MALRD1: variants seen among roughly 807,000 people sequenced by gnomAD.
The protein encoded by MALRD1 is MAM and LDL-receptor class A domain-containing protein 1.
Under a neutral mutation model 242.1 loss-of-function variants are expected in MALRD1, and 247 were observed. That is an observed-to-expected ratio of 1.02 (90% CI 0.92 to 1.13). The LOEUF is 1.13. MALRD1 is among the 50% of genes most tolerant of loss of function. MALRD1 has a pLI of 0.00. For missense variants in MALRD1, 2,989 were observed against 2,533.1 expected, an observed-to-expected ratio of 1.18 and a Z score of -3.86; for synonymous variants, 995 against 866.6, an observed-to-expected ratio of 1.15 and a Z score of -2.60.
intron 26 of MALRD1, among the ~76,000 whole-genome samples, chr10:19,383,247 T>C (rs1229703664): frequency 6.6e-6 from 1 of 152,096 alleles, no homozygotes; most frequent in Non-Finnish European, 1.5e-5. Flanking sequence ...TGTTCCTTTC[T>C]TAGTGTCCGT....
At chr10:19,298,001 C>A (rs952353234) in intron 21 of MALRD1, among the ~76,000 whole-genome samples, 2 of 151,830 alleles carry the variant, frequency 1.3e-5, no homozygotes, top group Non-Finnish European at 2.9e-5. Flanking sequence ...TTGTCTTCAT[C>A]CATTTTGTGT....
chr10:19,405,857 A>AT (rs5783674), intron 28 of MALRD1, among the ~76,000 whole-genome samples: 45 of 150,716 alleles, frequency 3.0e-4, no homozygotes, highest in African/African-American at 9.5e-4. Flanking sequence ...GTTAGGATGC[A>AT]TTTTTTTTTT....
chr10:19,612,724 G>A (rs567985555), intron 35 of MALRD1, among the ~76,000 whole-genome samples: 1 of 152,076 alleles, frequency 6.6e-6, no homozygotes, highest in African/African-American at 2.4e-5. Context: ...GACCAAGCAA[G>A]CACATATTCA....
intron 2 of MALRD1, among the ~76,000 whole-genome samples, chr10:19,078,558 T>G (rs1441118050): frequency 6.6e-6 from 1 of 151,928 alleles, no homozygotes; most frequent in Non-Finnish European, 1.5e-5. Flanking sequence ...TGGGAAGTGT[T>G]TCTTCCTCTT....
At chr10:19,158,659 T>C (rs924907057) in intron 12 of MALRD1, among the ~76,000 whole-genome samples, 2 of 152,250 alleles carry the variant, frequency 1.3e-5, no homozygotes, top group African/African-American at 4.8e-5. Context: ...TTATCTACTG[T>C]GTGTTGATCA....
chr10:19,061,140 G>A (rs1323718990), intron 1 of MALRD1, among the ~76,000 whole-genome samples: 1 of 152,134 alleles, frequency 6.6e-6, no homozygotes, highest in African/African-American at 2.4e-5. Flanking sequence ...TCATCAGGAG[G>A]GAGAGCATCA....
At chr10:19,416,897 CT>C (rs1429005381) in intron 28 of MALRD1, among the ~76,000 whole-genome samples, 1 of 152,170 alleles carries the variant, frequency 6.6e-6, no homozygotes, top group Non-Finnish European at 1.5e-5. Context: ...TGACCAATCC[CT>C]AAAACTCCGT....
At chr10:19,367,622 G>A (rs770323278) in intron 26 of MALRD1, among the ~76,000 whole-genome samples, 13 of 151,894 alleles carry the variant, frequency 8.6e-5, no homozygotes, top group Non-Finnish European at 4.4e-5. Flanking sequence ...TTCCTCCTTC[G>A]GATAAATGCC....
chr10:19,262,241 A>G (rs1045806624), intron 19 of MALRD1, among the ~76,000 whole-genome samples: 1 of 152,188 alleles, frequency 6.6e-6, no homozygotes, highest in Non-Finnish European at 1.5e-5. Flanking sequence ...TATATAGTCA[A>G]GGTGTACAAT....
At chr10:19,677,438 A>G (rs748751637) in intron 36 of MALRD1, among the ~76,000 whole-genome samples, 1 of 152,084 alleles carries the variant, frequency 6.6e-6, no homozygotes, top group Non-Finnish European at 1.5e-5. Flanking sequence ...TTAAAAGTAT[A>G]TGTTTGTTGG....
intron 36 of MALRD1, among the ~76,000 whole-genome samples, chr10:19,659,445 T>A (rs1034683578): frequency 6.6e-6 from 1 of 152,126 alleles, no homozygotes; most frequent in Non-Finnish European, 1.5e-5. Context: ...TTACTCCTCA[T>A]CAATCAACTA....
At chr10:19,571,497 T>C (rs1836536637) in intron 33 of MALRD1, among the ~76,000 whole-genome samples, 1 of 152,172 alleles carries the variant, frequency 6.6e-6, no homozygotes, top group African/African-American at 2.4e-5. Context: ...GGAAGCATTC[T>C]TTTTCACGTA....
At chr10:19,452,341 A>G (rs10458691) in intron 29 of MALRD1, among the ~76,000 whole-genome samples, 33,456 of 152,034 alleles carry the variant, frequency 0.22, 4,413 homozygotes, top group South Asian at 0.36. Flanking sequence ...TTACGTGATT[A>G]CAATTAATTT....
At chr10:19,141,156 T>C (rs1202944450) in intron 10 of MALRD1, among the ~76,000 whole-genome samples, 3 of 152,166 alleles carry the variant, frequency 2.0e-5, no homozygotes, top group South Asian at 4.1e-4. Context: ...AAATACAACA[T>C]GCCAAACATG....
intron 34 of MALRD1, 146 bp downstream of exon 34, chr10:19,595,603 A>G (rs959778354): frequency 3.9e-6 from 4 of 1,021,218 alleles, no homozygotes; most frequent in Non-Finnish European, 5.5e-6. Context: ...ATGTTGCAAA[A>G]CAAGGCATCT....
chr10:19,669,706 G>C (rs1841826012), intron 36 of MALRD1, among the ~76,000 whole-genome samples: 1 of 152,088 alleles, frequency 6.6e-6, no homozygotes, highest in Non-Finnish European at 1.5e-5. Context: ...AAAAATAAGT[G>C]ATCATTAATC....
intron 21 of MALRD1, among the ~76,000 whole-genome samples, chr10:19,311,435 T>C (rs1842418371): frequency 6.6e-6 from 1 of 151,442 alleles, no homozygotes; most frequent in African/African-American, 2.4e-5. Flanking sequence ...CCTTTTAAAT[T>C]AAATACAAAA....
intron 36 of MALRD1, among the ~76,000 whole-genome samples, chr10:19,670,066 G>GCACACACA (rs3071775): frequency 6.7e-6 from 1 of 148,254 alleles, no homozygotes; most frequent in African/African-American, 2.5e-5. Flanking sequence ...CCTCGCACGT[G>GCACACACA]CACACACACA....
intron 21 of MALRD1, among the ~76,000 whole-genome samples, chr10:19,293,567 A>G (rs921199866): frequency 3.9e-5 from 6 of 152,208 alleles, no homozygotes; most frequent in African/African-American, 1.4e-4. Context: ...ATTTTTAAAA[A>G]TTAACTAGAA....
Sources: allele counts gnomAD v4.1 joint callset (sites outside exome capture counted in the v4.1 genomes callset), GRCh38; gene constraint gnomAD v4.1.1; transcripts MANE v1.5; gene names NCBI Gene and HGNC (gene_info 2026-07-23, HGNC 2026-07-21).